Variants in COL4A6 observed in about 807,000 individuals in gnomAD.
COL4A6 encodes collagen alpha-6(IV) chain.
In COL4A6, 59 loss-of-function variants were observed where a neutral mutation model predicts 126.7. The ratio of observed to expected loss-of-function variants is 0.47; its 90% CI spans 0.38 to 0.58. The LOEUF is 0.58. Among genes scored for constraint, COL4A6 ranks in the 20% least tolerant of loss-of-function variants. The pLI, the probability that COL4A6 is intolerant of heterozygous loss-of-function variation, is 0.00. For synonymous variants in COL4A6, 547 were observed against 496.6 expected, an observed-to-expected ratio of 1.10 and a Z score of -1.35; for missense variants, 1,285 against 1,337.3, an observed-to-expected ratio of 0.96 and a Z score of 0.61.
Position 108,204,740 on chromosome X carries a change from A to G in COL4A6, c.688-328T>C, listed in dbSNP as rs1169652223. On this transcript the variant is annotated intron_variant, in intron 11 of 44. Transcript: ENST00000334504. ...GAATGGCTACCTCTTGGCAACAATG[A>G]TCCAACTCTAAGTGGTCTAATCCTT... is the stretch of plus-strand genomic sequence containing the variant. Among the ~76,000 whole-genome samples, 4 of 111,726 alleles carry G rather than the reference A, an allele frequency of 3.6e-5. No individual in the cohort carries two copies. The South Asian group carries it at 1.1e-3, about 31-fold the overall frequency.
At chrX:108,387,375 T>C (rs2040724059) in intron 2 of COL4A6, among the ~76,000 whole-genome samples, 1 of 112,123 alleles carries the variant, frequency 8.9e-6, no homozygotes, top group Non-Finnish European at 1.9e-5. Flanking sequence ...TTTCTTTGTG[T>C]CCTCTCTTAT....
intron 2 of COL4A6, among the ~76,000 whole-genome samples, chrX:108,328,253 G>T (rs1164305399): frequency 9.0e-6 from 1 of 111,216 alleles, no homozygotes; most frequent in Non-Finnish European, 1.9e-5. Context: ...ATCAACAGCT[G>T]CTAGTATTTC....
At chrX:108,364,419 AT>A (rs780117045) in intron 2 of COL4A6, among the ~76,000 whole-genome samples, 1 of 110,319 alleles carries the variant, frequency 9.1e-6, no homozygotes, top group African/African-American at 3.3e-5. Flanking sequence ...TTTTGGCTTA[AT>A]TTTTTTTAAT....
chrX:108,307,385 G>C (rs1287207883), intron 3 of COL4A6, among the ~76,000 whole-genome samples: 2 of 112,103 alleles, frequency 1.8e-5, no homozygotes, highest in African/African-American at 6.5e-5. Flanking sequence ...CCTGAAAGAA[G>C]ATGTTTTGGA....
At chrX:108,265,488 G>T (rs1464801298) in intron 3 of COL4A6, among the ~76,000 whole-genome samples, 2 of 109,988 alleles carry the variant, frequency 1.8e-5, no homozygotes, top group Non-Finnish European at 3.8e-5. Context: ...GCCTGGGGCT[G>T]CAAAGATACA....
intron 15 of COL4A6, 135 bp from the exon 16 acceptor site, chrX:108,194,722 C>A: frequency 1.6e-6 from 1 of 607,798 alleles, no homozygotes. Flanking sequence ...CTATCTGACT[C>A]TGGAAGCTGT....
chrX:108,276,370 G>A (rs4829426), intron 3 of COL4A6, among the ~76,000 whole-genome samples: 29,700 of 111,680 alleles, frequency 0.27, 3,219 homozygotes, highest in East Asian at 0.61. Context: ...CTTTGGACCT[G>A]GATTCTGATT....
chrX:108,262,513 C>A (rs377299742), intron 3 of COL4A6, among the ~76,000 whole-genome samples: 59 of 111,255 alleles, frequency 5.3e-4, no homozygotes, highest in African/African-American at 1.8e-3. Flanking sequence ...GAAATTCAAG[C>A]ATAAGTGAAA....
intron 3 of COL4A6, among the ~76,000 whole-genome samples, chrX:108,264,250 G>T (rs1239290305): frequency 9.0e-6 from 1 of 111,528 alleles, no homozygotes; most frequent in East Asian, 2.8e-4. Flanking sequence ...GCTTTATGCA[G>T]AGTAATTTAT....
intron 2 of COL4A6, among the ~76,000 whole-genome samples, chrX:108,362,083 GAGAGAGAA>G (rs1457619144): frequency 9.0e-6 from 1 of 110,716 alleles, no homozygotes; most frequent in Non-Finnish European, 1.9e-5. Context: ...GTGTGTGTGA[GAGAGAGAA>G]AGAGAGAGAG....
In COL4A6 at chrX:108,438,318, A is replaced by C; in HGVS notation, c.-122T>G. The C allele has an allele frequency of 9.1e-7, 1 of 1,095,005 alleles. No individual in the cohort carries two copies. Among genetic ancestry groups the C allele is most frequent in the Non-Finnish European group, 1.2e-6 (1 of 839,830 alleles). 90.2% of individuals were successfully genotyped at this position (1,095,005 alleles called of 1,213,427 possible). ...TTACTCAGAACAGAGTAGGTGGACG[A>C]AGTGGCCCAGTTTGGAAGAAACTAA... is the stretch of plus-strand genomic sequence containing the variant. On this transcript the variant is annotated 5_prime_UTR_variant, in exon 1 of 45. Coordinates refer to ENST00000334504, the MANE Select transcript of COL4A6 (RefSeq NM_033641.4).
At chrX:108,346,206 GC>G (rs749037852) in intron 2 of COL4A6, among the ~76,000 whole-genome samples, 73 of 111,558 alleles carry the variant, frequency 6.5e-4, no homozygotes, top group African/African-American at 2.3e-3. Flanking sequence ...TTTATTATGT[GC>G]CAGGCAGTGT....
At chrX:108,214,717 C>T (rs1346814404) in intron 5 of COL4A6, among the ~76,000 whole-genome samples, 1 of 112,140 alleles carries the variant, frequency 8.9e-6, no homozygotes, top group Non-Finnish European at 1.9e-5. Context: ...TCCCACAGCA[C>T]CCCCTCTCCT....
intron 2 of COL4A6, among the ~76,000 whole-genome samples, chrX:108,393,747 T>A (rs2040889637): frequency 8.9e-6 from 1 of 111,891 alleles, no homozygotes; most frequent in South Asian, 3.7e-4. Context: ...CCTTTAAAAG[T>A]AATAAAAAGT....
rs1226574204 is a variant in COL4A6 at position 108,156,059 on chromosome X, G to C, written c.*941C>G. On this transcript the variant is annotated 3_prime_UTR_variant, in exon 45 of 45. Transcript: ENST00000334504. The stretch of plus-strand genomic sequence containing the variant: ...AACCAACACTGTGCAGCTTCAGTTT[G>C]CCACATTGCACACATCTGGATGGCA... 3 of 112,385 alleles carry C rather than the reference G, an allele frequency of 2.7e-5. No individual in the cohort carries two copies. The highest frequency in any genetic ancestry group is 9.7e-5 in the African/African-American group (3 of 30,932). The allele number at this position is 112,385 out of a possible 1,213,427, so 9.3% of individuals were successfully genotyped here. A position where few individuals can be genotyped will look rare whatever the true frequency, so the allele number is the denominator to read the frequency against.
At chrX:108,273,466 C>A (rs1190422495) in intron 3 of COL4A6, among the ~76,000 whole-genome samples, 1 of 111,288 alleles carries the variant, frequency 9.0e-6, no homozygotes, top group Non-Finnish European at 1.9e-5. Context: ...TTTGACCCAG[C>A]CATCCCATTA....
At chrX:108,169,394 T>C (rs2034226761) in intron 37 of COL4A6, 101 bp downstream of exon 37, 2 of 1,074,382 alleles carry the variant, frequency 1.9e-6, no homozygotes, top group African/African-American at 3.7e-5. Flanking sequence ...GTGAAGACAC[T>C]CACAGCCCAA....
At chrX:108,366,093 G>A (rs1407783642) in intron 2 of COL4A6, among the ~76,000 whole-genome samples, 4 of 111,499 alleles carry the variant, frequency 3.6e-5, no homozygotes, top group Non-Finnish European at 7.5e-5. Context: ...ACATTCTTAA[G>A]CAAGAACTTG....
At chrX:108,404,985 AC>A (rs2041173035) in intron 2 of COL4A6, among the ~76,000 whole-genome samples, 1 of 110,395 alleles carries the variant, frequency 9.1e-6, no homozygotes, top group African/African-American at 3.3e-5. Context: ...AACCTCATCT[AC>A]CCCCCACACA....
Sources: allele counts gnomAD v4.1 joint callset (sites outside exome capture counted in the v4.1 genomes callset), GRCh38; gene constraint gnomAD v4.1.1; transcripts MANE v1.5; gene names NCBI Gene and HGNC (gene_info 2026-07-23, HGNC 2026-07-21).